PHLDB1: variants seen among roughly 807,000 people sequenced by gnomAD.
PHLDB1 encodes pleckstrin homology-like domain family B member 1.
Under a neutral mutation model 139.3 loss-of-function variants are expected in PHLDB1, and 65 were observed. The observed-to-expected ratio is 0.47, with a 90% CI of 0.38 to 0.57. The LOEUF (loss-of-function observed/expected upper bound fraction) is 0.57. Ranked by LOEUF, PHLDB1 falls within the 20% of genes least tolerant of loss-of-function variation. The pLI is 0.00. For synonymous variants in PHLDB1, 679 were observed against 734.5 expected, an observed-to-expected ratio of 0.92 and a Z score of 1.22; for missense variants, 1,624 against 1,839.7, an observed-to-expected ratio of 0.88 and a Z score of 2.14.
At chr11:118,639,769 C>G in intron 12 of PHLDB1, 2 of 228,802 alleles carry the variant, frequency 8.7e-6, no homozygotes, top group South Asian at 1.4e-4. Context: ...CTCCCTCCCT[C>G]CCTGCCTCAC....
In PHLDB1 at chr11:118,610,577, C is replaced by A; in HGVS notation, c.-22+2878C>A. The A allele has an allele frequency of 1.5e-6, 1 of 649,134 alleles. No homozygotes were observed. The highest frequency in any genetic ancestry group is 1.9e-6 in the Non-Finnish European group (1 of 522,134). 40.2% of individuals were successfully genotyped at this position (649,134 alleles called of 1,614,324 possible). On this transcript the variant is annotated intron_variant, in intron 1 of 22. Transcript: ENST00000600882. The surrounding 1 kb of genome is among the most constrained non-coding windows in gnomAD (Gnocchi z 8.7). ...CCGGGGAGCGCCCGAGCAGTGGCCC[C>A]GCGAAGGGCCGGGTCTGGTGCTCTG... is the stretch of plus-strand genomic sequence containing the variant.
intron 4 of PHLDB1, among the ~76,000 whole-genome samples, chr11:118,619,821 A>G (rs1555092984): frequency 6.6e-6 from 1 of 152,370 alleles, no homozygotes; most frequent in East Asian, 1.9e-4. Context: ...CTGTTTAGCA[A>G]GAATGGAAAA....
chr11:118,650,163 T>A lies in PHLDB1; in HGVS notation c.3741T>A (p.Asp1247Glu), dbSNP rs1555134750. Residue 1247 changes from aspartate to glutamate, a missense_variant, in exon 19 of 23, where the codon GAT becomes GAA. Physicochemically the swap from Asp to Glu is conservative, Grantham distance 45 (BLOSUM62 2). Coordinates refer to ENST00000600882, the MANE Select transcript of PHLDB1 (RefSeq NM_001144758.3). The surrounding 1 kb of genome is among the most constrained non-coding windows in gnomAD (Gnocchi z 4.7). ...TTGAGTCATCGGGCCATGGTGTTGATACCTGCCTGCACGTGGTGCTCAGCA... is the reference window on the plus strand; with the variant it reads ...TTGAGTCATCGGGCCATGGTGTTGAAACCTGCCTGCACGTGGTGCTCAGCA... ...THIESSGHGV[D>E]TCLHVVLSSK... The A allele has an allele frequency of 6.2e-7, 1 of 1,613,798 alleles. No individual in the cohort carries two copies. Among genetic ancestry groups the A allele is most frequent in the African/African-American group, 1.3e-5 (1 of 74,922 alleles).
chr11:118,612,936 C>T (rs1555085275), intron 1 of PHLDB1, among the ~76,000 whole-genome samples: 1 of 152,104 alleles, frequency 6.6e-6, no homozygotes, highest in East Asian at 1.9e-4. Context: ...TACATTAGTA[C>T]ACAAAGGTCC....
Position 118,631,336 on chromosome 11 carries a change from C to T in PHLDB1, c.1957C>T (p.Pro653Ser). The change falls in exon 7 of 23, where the codon CCC becomes TCC. Residue 653 changes from proline to serine, a missense_variant. Transcript: ENST00000600882. ...AGCATTGGCACTGGCAGGCCGGAGG[C>T]CCTCACGAGGCCTTGCAGGGGCCTC... The part of the protein sequence containing the change: ...TAALALAGRR[P>S]SRGLAGASGR... 1 of 1,538,786 alleles carries T rather than the reference C, an allele frequency of 6.5e-7. No homozygotes were observed. Among genetic ancestry groups the T allele is most frequent in the Non-Finnish European group, 8.7e-7 (1 of 1,145,130 alleles).
chr11:118,653,783 G>A (rs1298893856), intron 20 of PHLDB1: 1 of 152,194 alleles, frequency 6.6e-6, no homozygotes, highest in Non-Finnish European at 1.5e-5. Context: ...ATGGATAAAG[G>A]AGGATTCAGA....
chr11:118,625,843 A>C (rs1248696589), intron 5 of PHLDB1, among the ~76,000 whole-genome samples: 2 of 152,148 alleles, frequency 1.3e-5, no homozygotes, highest in Non-Finnish European at 1.5e-5. Context: ...CACAGTCTCC[A>C]TAATTTTGGA....
chr11:118,639,048 G>C, intron 11 of PHLDB1, 47 bp downstream of exon 11: 1 of 1,567,946 alleles, frequency 6.4e-7, no homozygotes, highest in South Asian at 1.1e-5. Context: ...AGGGTAAGTG[G>C]GAGGGGAGTG....
intron 5 of PHLDB1, among the ~76,000 whole-genome samples, chr11:118,625,952 C>G (rs1943778272): frequency 6.6e-6 from 1 of 152,196 alleles, no homozygotes. Context: ...CCAGTCTACT[C>G]CCTAGTTAAT....
chr11:118,625,621 A>ACCAGGAG (rs1450194992), intron 5 of PHLDB1, among the ~76,000 whole-genome samples: 1 of 152,206 alleles, frequency 6.6e-6, no homozygotes, highest in Admixed American at 6.5e-5. Context: ...AGGGGTGCAG[A>ACCAGGAG]CCAGGAGGCT....
At chr11:118,635,183 G>A in intron 9 of PHLDB1, 1 of 622,932 alleles carries the variant, frequency 1.6e-6, no homozygotes, top group Non-Finnish European at 2.9e-6. Context: ...GCGGTTTGGA[G>A]GGAACCGGGA....
chr11:118,650,162 A>C lies in PHLDB1; in HGVS notation c.3740A>C (p.Asp1247Ala). Residue 1247 changes from aspartate to alanine, a missense_variant, in exon 19 of 23, where the codon GAT becomes GCT. Asp to Ala is a moderately radical substitution (Grantham distance 126, BLOSUM62 -2). Transcript: ENST00000600882. The surrounding 1 kb of genome is among the most constrained non-coding windows in gnomAD (Gnocchi z 4.7). ...THIESSGHGV[D>A]TCLHVVLSSK... is the part of the protein sequence containing the mutation. ...ATTGAGTCATCGGGCCATGGTGTTG[A>C]TACCTGCCTGCACGTGGTGCTCAGC... 6.2e-7 allele frequency: 1 copy of C among 1,613,934 alleles called. No individual in the cohort carries two copies. The highest frequency in any genetic ancestry group is 8.5e-7 in the Non-Finnish European group (1 of 1,179,814).
intron 6 of PHLDB1, chr11:118,629,927 GC>G: frequency 9.6e-7 from 1 of 1,039,674 alleles, no homozygotes; most frequent in South Asian, 1.4e-5. Flanking sequence ...CTTGGAGGCT[GC>G]CCGCCCTGCC....
In PHLDB1 at chr11:118,632,069, C is replaced by T. The variant is rs782567058; in HGVS notation, c.2241+16C>T. On this transcript the variant is annotated intron_variant, in intron 8 of 22. Coordinates refer to ENST00000600882, the MANE Select transcript of PHLDB1 (RefSeq NM_001144758.3). This position sits in a 1 kb window ranked among gnomAD's most constrained non-coding sequence, Gnocchi z 5.9. ...AGCCCGAGAGGTGAGCCGTGAAGTC[C>T]CTAGCTGGACTCTTCCCTAGGCCAA... 1.9e-6 allele frequency: 3 copies of T among 1,613,524 alleles called. No individual in the cohort carries two copies. Among genetic ancestry groups the T allele is most frequent in the South Asian group, 2.2e-5 (2 of 91,044 alleles).
intron 3 of PHLDB1, among the ~76,000 whole-genome samples, chr11:118,615,412 C>T (rs781916077): frequency 3.3e-5 from 5 of 152,026 alleles, no homozygotes; most frequent in Non-Finnish European, 5.9e-5. Flanking sequence ...TGGCACAGCC[C>T]CCTTCACCTT....
rs564445115 is a variant in PHLDB1 at position 118,620,418 on chromosome 11, G to A, written c.355+4207G>A. On this transcript the variant is annotated intron_variant, in intron 4 of 22. Coordinates refer to ENST00000600882, the MANE Select transcript of PHLDB1 (RefSeq NM_001144758.3). This position sits in a 1 kb window ranked among gnomAD's most constrained non-coding sequence, Gnocchi z 4.1. ...GAGGCAGGAGAATCGCTTGAACCCC[G>A]GAGGCGGAGGTTGCAGTGAGCCGAG... Among the ~76,000 whole-genome samples, 10 of 152,298 alleles carry A rather than the reference G, an allele frequency of 6.6e-5. No individual in the cohort carries two copies. The highest frequency in any genetic ancestry group is 3.9e-4 in the East Asian group (2 of 5,184).
At chr11:118,622,570 GCCTACATCCT>G (rs1943047262) in intron 4 of PHLDB1, among the ~76,000 whole-genome samples, 1 of 152,106 alleles carries the variant, frequency 6.6e-6, no homozygotes, top group Non-Finnish European at 1.5e-5. Context: ...ATCCCTAGAT[GCCTACATCCT>G]ACTTGGGTGG....
chr11:118,627,654 A>C lies in PHLDB1; in HGVS notation c.831A>C (p.Pro277=). Residue 277 remains proline (P), a synonymous_variant, in exon 6 of 23, where the codon CCA becomes CCC. Coordinates refer to ENST00000600882, the MANE Select transcript of PHLDB1 (RefSeq NM_001144758.3). ...GTCACTCACCCAGTGGGCAAGAGCC[A>C]GGACCTTCTGTGCCCCCGCTGGTAC... is the stretch of plus-strand genomic sequence containing the variant. ...CASHSPSGQE[P]GPSVPPLVPA... is the part of the protein sequence containing the mutation. 1 of 1,612,012 alleles carries C rather than the reference A, an allele frequency of 6.2e-7. No homozygotes were observed. The highest frequency in any genetic ancestry group is 2.2e-5 in the East Asian group (1 of 44,884).
chr11:118,623,278 G>T (rs1747516092), intron 4 of PHLDB1, among the ~76,000 whole-genome samples: 1 of 152,138 alleles, frequency 6.6e-6, no homozygotes, highest in Admixed American at 6.5e-5. Context: ...AAGGATTGGT[G>T]GTAGAGAGCA....
Sources: gnomAD v4.1 joint callset for allele counts (sites outside exome capture counted in the v4.1 genomes callset) on GRCh38, gnomAD v4.1.1 for gene constraint, Gnocchi (gnomAD v3.1) non-coding constraint, MANE v1.5 for transcripts, NCBI Gene and HGNC (gene_info 2026-07-23, HGNC 2026-07-21) for gene names.